The following CNTNAP2 variants were observed in gnomAD, a reference collection of about 807,000 sequenced individuals.
The protein encoded by CNTNAP2 is contactin-associated protein-like 2.
Under a neutral mutation model 155.2 loss-of-function variants are expected in CNTNAP2, and 98 were observed. The observed-to-expected ratio is 0.63, with a 90% CI of 0.54 to 0.75. CNTNAP2 has a LOEUF of 0.75. CNTNAP2 is among the 30% of genes least tolerant of loss of function. The pLI is 0.00. For missense variants in CNTNAP2, 1,727 were observed against 1,688.1 expected, an observed-to-expected ratio of 1.02 and a Z score of -0.40; for synonymous variants, 651 against 631.2, an observed-to-expected ratio of 1.03 and a Z score of -0.47.
intron 17 of CNTNAP2, among the ~76,000 whole-genome samples, chr7:148,155,429 A>T (rs1805380563): frequency 1.3e-5 from 2 of 151,934 alleles, no homozygotes; most frequent in Admixed American, 1.3e-4. Flanking sequence ...GGTTTTTTTT[A>T]TTTCACTAAA....
At chr7:147,152,546 T>C (rs781457540) in intron 8 of CNTNAP2, among the ~76,000 whole-genome samples, 4 of 152,110 alleles carry the variant, frequency 2.6e-5, no homozygotes, top group African/African-American at 9.7e-5. Context: ...GTTGTTATTA[T>C]GTTATTGGTA....
intron 3 of CNTNAP2, among the ~76,000 whole-genome samples, chr7:147,020,203 T>C (rs1191653185): frequency 1.3e-5 from 2 of 152,160 alleles, no homozygotes; most frequent in Non-Finnish European, 2.9e-5. Context: ...GATGCAATCA[T>C]CACCAACATA....
At chr7:146,645,046 C>T (rs1024795739) in intron 1 of CNTNAP2, among the ~76,000 whole-genome samples, 17 of 152,168 alleles carry the variant, frequency 1.1e-4, no homozygotes, top group Admixed American at 5.9e-4. Context: ...AATTTTAGAG[C>T]AGAAATTTTT....
At chr7:147,781,579 T>G (rs995261031) in intron 13 of CNTNAP2, among the ~76,000 whole-genome samples, 6 of 152,204 alleles carry the variant, frequency 3.9e-5, no homozygotes, top group African/African-American at 1.4e-4. Context: ...AGTTCTATAC[T>G]TAATGAATGA....
chr7:146,819,575 C>T (rs1803237027), intron 2 of CNTNAP2, among the ~76,000 whole-genome samples: 1 of 152,088 alleles, frequency 6.6e-6, no homozygotes, highest in African/African-American at 2.4e-5. Context: ...CATCTAATCT[C>T]ATCTTTCAAT....
chr7:146,723,254 G>A (rs1453367376), intron 1 of CNTNAP2, among the ~76,000 whole-genome samples: 2 of 152,060 alleles, frequency 1.3e-5, no homozygotes, highest in African/African-American at 2.4e-5. Context: ...CTGCAGCCAC[G>A]AGACAAGAAA....
At chr7:146,913,129 C>T (rs1796321936) in intron 3 of CNTNAP2, among the ~76,000 whole-genome samples, 1 of 152,058 alleles carries the variant, frequency 6.6e-6, no homozygotes, top group South Asian at 2.1e-4. Context: ...GGGCCTGAAC[C>T]TCGAAAGTTA....
intron 8 of CNTNAP2, among the ~76,000 whole-genome samples, chr7:147,182,764 C>G (rs1219660750): frequency 6.6e-6 from 1 of 151,926 alleles, no homozygotes; most frequent in African/African-American, 2.4e-5. Context: ...ATTTAATAAG[C>G]CATTTTACTG....
Position 147,120,986 on chromosome 7 carries a change from C to T in CNTNAP2, c.762C>T (p.Asn254=), listed in dbSNP as rs1801099444. The change falls in exon 6 of 24, where the codon AAC becomes AAT. Residue 254 remains asparagine, a synonymous_variant. Coordinates refer to ENST00000361727, the MANE Select transcript of CNTNAP2 (RefSeq NM_014141.6). ...KLVLSLNLGS[N]QLGPIYGHTS... ...TCACTTCTGTGTACGCAGGAAGCAA[C>T]CAGCTTGGCCCCATATATGGCCACA... 1 of 1,613,528 alleles carries T rather than the reference C, an allele frequency of 6.2e-7. No individual in the cohort carries two copies.
At chr7:147,543,371 A>C (rs563347939) in intron 11 of CNTNAP2, among the ~76,000 whole-genome samples, 1 of 152,172 alleles carries the variant, frequency 6.6e-6, no homozygotes, top group South Asian at 2.1e-4. Context: ...ACCTTCCAGC[A>C]TGGGTGTTAG....
chr7:148,272,325 G>T (rs962677015), intron 21 of CNTNAP2, among the ~76,000 whole-genome samples: 1 of 152,122 alleles, frequency 6.6e-6, no homozygotes, highest in Admixed American at 6.6e-5. Context: ...TTTACCAGCC[G>T]AGTGATGTCA....
intron 15 of CNTNAP2, among the ~76,000 whole-genome samples, chr7:148,104,116 T>G (rs949253475): frequency 4.6e-5 from 7 of 152,192 alleles, no homozygotes; most frequent in African/African-American, 1.7e-4. Flanking sequence ...CTCGTCTCTC[T>G]TTCTTTGCAC....
intron 1 of CNTNAP2, among the ~76,000 whole-genome samples, chr7:146,387,031 C>CA (rs995873685): frequency 6.6e-6 from 1 of 152,124 alleles, no homozygotes; most frequent in African/African-American, 2.4e-5. Context: ...AAACAAACCC[C>CA]AAATCACAGT....
chr7:148,152,457 G>GA (rs201198690), intron 17 of CNTNAP2, among the ~76,000 whole-genome samples: 37 of 150,606 alleles, frequency 2.5e-4, no homozygotes, highest in Middle Eastern at 3.4e-3. Flanking sequence ...GCAAAAATCT[G>GA]AAAAAAAAAT....
intron 1 of CNTNAP2, among the ~76,000 whole-genome samples, chr7:146,409,230 T>A (rs565359001): frequency 3.3e-5 from 5 of 152,296 alleles, no homozygotes; most frequent in African/African-American, 1.2e-4. Context: ...GTATTAAATA[T>A]CTAAAGGTAT....
intron 1 of CNTNAP2, among the ~76,000 whole-genome samples, chr7:146,621,129 C>T (rs1047216174): frequency 6.6e-6 from 1 of 152,118 alleles, no homozygotes; most frequent in Non-Finnish European, 1.5e-5. Flanking sequence ...TGATAAGGAA[C>T]CGTATCCCTA....
intron 12 of CNTNAP2, among the ~76,000 whole-genome samples, chr7:147,587,257 A>G (rs1800647604): frequency 1.3e-5 from 2 of 152,146 alleles, no homozygotes; most frequent in Admixed American, 6.6e-5. Flanking sequence ...TCAGTTCAGA[A>G]CCGATGCTAA....
chr7:148,132,333 A>G (rs1035343392), intron 16 of CNTNAP2, among the ~76,000 whole-genome samples: 6 of 152,062 alleles, frequency 3.9e-5, no homozygotes, highest in African/African-American at 1.4e-4. Flanking sequence ...ATCTTCTTTA[A>G]AAAGATGTTT....
intron 3 of CNTNAP2, among the ~76,000 whole-genome samples, chr7:146,851,410 A>G (rs1479437062): frequency 6.6e-6 from 1 of 152,158 alleles, no homozygotes; most frequent in African/African-American, 2.4e-5. Flanking sequence ...TTTTAAAGAA[A>G]GTACTATTTA....
Sources: allele counts gnomAD v4.1 joint callset (sites outside exome capture counted in the v4.1 genomes callset), GRCh38; gene constraint gnomAD v4.1.1; transcripts MANE v1.5; gene names NCBI Gene and HGNC (gene_info 2026-07-23, HGNC 2026-07-21).